The following ANKRD42 variants were observed in gnomAD, a reference collection of about 807,000 sequenced individuals.
ANKRD42 encodes the protein ankyrin repeat domain-containing protein 42.
In ANKRD42, 43 loss-of-function variants were observed where a neutral mutation model predicts 51.5. The ratio of observed to expected loss-of-function variants is 0.83; its 90% CI spans 0.65 to 1.08. The LOEUF is 1.08. Among genes scored for constraint, ANKRD42 ranks in the 50% least tolerant of loss-of-function variants. The pLI is 0.00. For synonymous variants in ANKRD42, 203 were observed against 213.0 expected, an observed-to-expected ratio of 0.95 and a Z score of 0.41; for missense variants, 608 against 629.3, an observed-to-expected ratio of 0.97 and a Z score of 0.36.
intron 5 of ANKRD42, chr11:83,213,555 T>G (rs1862411120): frequency 6.6e-6 from 8 of 1,217,026 alleles, no homozygotes; most frequent in Middle Eastern, 3.4e-4. Flanking sequence ...TATTATTAGT[T>G]TTTTTTTTTA....
rs778422106 is a variant in ANKRD42, at chr11:83,194,658, G to A, written c.-13G>A. The A allele has an allele frequency of 6.8e-6, 11 of 1,613,744 alleles. No individual in the cohort carries two copies. Among genetic ancestry groups the A allele is most frequent in the Non-Finnish European group, 5.9e-6 (7 of 1,179,996 alleles). ...TGGACTCAACTCCTCCCCAGAGTCG[G>A]AGGTGTTGCGCCATGCCCGGGGTGG... On this transcript the variant is annotated 5_prime_UTR_variant, in exon 1 of 11. Transcript: ENST00000533342.
At chr11:83,257,356 C>A (rs1042079503), downstream of ANKRD42, 1 of 454,488 alleles carries the variant, frequency 2.2e-6, no homozygotes, top group South Asian at 1.6e-5. Context: ...AGTCATAATT[C>A]TTTGCTAGCT....
At chr11:83,250,177 T>C (rs964476272), downstream of ANKRD42, among the ~76,000 whole-genome samples, 1 of 152,202 alleles carries the variant, frequency 6.6e-6, no homozygotes, top group Non-Finnish European at 1.5e-5. Flanking sequence ...TAAGTCTTTC[T>C]CCTGCCACCT....
chr11:83,226,267 C>T (rs1432320477), intron 6 of ANKRD42, among the ~76,000 whole-genome samples: 2 of 152,014 alleles, frequency 1.3e-5, no homozygotes, highest in East Asian at 3.8e-4. Context: ...AAGTACCTAA[C>T]CTGATCCCTA....
intron 5 of ANKRD42, chr11:83,213,719 G>A (rs992384085): frequency 2.1e-5 from 5 of 239,366 alleles, no homozygotes; most frequent in Non-Finnish European, 3.7e-5. Flanking sequence ...CCTATTGGCT[G>A]TTAGAGTGTG....
Position 83,248,115 on chromosome 11 carries a change from T to C in ANKRD42, c.1495T>C (p.Phe499Leu), listed in dbSNP as rs1486520009. The C allele has an allele frequency of 2.6e-6, 4 of 1,548,946 alleles. No homozygotes were observed. In the African/African-American group the frequency reaches 5.5e-5, roughly 21 times the overall value. The change falls in exon 11 of 11, where the codon TTT (phenylalanine) becomes CTT (leucine). Residue 499 changes from phenylalanine (F) to leucine (L), a missense_variant. By Grantham distance (22) the Phe-to-Leu change is conservative. Transcript: ENST00000533342. ...MVGVLFNTFIFLKKYIQEWPR... is the reference protein window; with the variant it reads ...MVGVLFNTFILLKKYIQEWPR... Reference sequence around the variant, plus strand: ...TGGTGTCCTTTTTAATACATTTATTTTTCTCAAGAAGTATATACAAGAGTG... The same window carrying C: ...TGGTGTCCTTTTTAATACATTTATTCTTCTCAAGAAGTATATACAAGAGTG...
rs1416581912 is a variant in ANKRD42, at chr11:83,240,866, G to T, written c.1127G>T (p.Gly376Val). 7 of 1,614,128 alleles carry T rather than the reference G, an allele frequency of 4.3e-6. No individual in the cohort carries two copies. The highest frequency in any genetic ancestry group is 5.9e-6 in the Non-Finnish European group (7 of 1,180,002). ...GATGTGAAATATTTTATAAGACATG[G>T]TGTTGAGGGAAGCACTGATGCCAAG... ...ENDVKYFIRHGVEGSTDAKDD... is the reference protein window; with the variant it reads ...ENDVKYFIRHVVEGSTDAKDD... Residue 376 changes from glycine (G) to valine (V), a missense_variant, in exon 9 of 11, where the codon GGT (glycine) becomes GTT (valine). By Grantham distance (109) the Gly-to-Val change is moderately radical. Coordinates refer to ENST00000533342, the MANE Select transcript of ANKRD42 (RefSeq NM_001300975.2).
chr11:83,225,327 G>T (rs908164031), intron 6 of ANKRD42, among the ~76,000 whole-genome samples: 5 of 152,140 alleles, frequency 3.3e-5, no homozygotes, highest in Non-Finnish European at 7.4e-5. Flanking sequence ...AGAACTTCGG[G>T]AGTCTGAGGT....
intron 2 of ANKRD42, among the ~76,000 whole-genome samples, chr11:83,200,451 A>G (rs562586155): frequency 2.0e-5 from 3 of 151,992 alleles, no homozygotes; most frequent in South Asian, 2.1e-4. Context: ...TCTAACACTA[A>G]AACTGTTATA....
At chr11:83,230,773 A>T (rs899187491) in intron 7 of ANKRD42, among the ~76,000 whole-genome samples, 4 of 152,088 alleles carry the variant, frequency 2.6e-5, no homozygotes, top group Admixed American at 6.5e-5. Context: ...TTTTTAGTAG[A>T]GACGGGGTTT....
At chr11:83,257,257 G>T (rs149073864), downstream of ANKRD42, 5 of 454,726 alleles carry the variant, frequency 1.1e-5, 1 homozygote, top group Admixed American at 1.2e-4. Context: ...GGAAGTCTGG[G>T]GTATGGTGAG....
Position 83,240,862 on chromosome 11 carries a change from C to T in ANKRD42, c.1123C>T (p.His375Tyr), listed in dbSNP as rs780267007. Reference protein sequence around the residue: ...DENDVKYFIRHGVEGSTDAKD... With the variant: ...DENDVKYFIRYGVEGSTDAKD... ...AAATGATGTGAAATATTTTATAAGA[C>T]ATGGTGTTGAGGGAAGCACTGATGC... Residue 375 changes from histidine to tyrosine, a missense_variant, in exon 9 of 11, where the codon CAT (histidine) becomes TAT (tyrosine). His to Tyr is a moderately conservative substitution (Grantham distance 83). Coordinates refer to ENST00000533342, the MANE Select transcript of ANKRD42 (RefSeq NM_001300975.2). 8.7e-6 allele frequency: 14 copies of T among 1,613,954 alleles called. No homozygotes were observed. The Admixed American group carries it at 1.5e-4, about 17-fold the overall frequency.
chr11:83,208,988 T>C (rs1862196523), intron 3 of ANKRD42, among the ~76,000 whole-genome samples: 1 of 152,212 alleles, frequency 6.6e-6, no homozygotes, highest in Non-Finnish European at 1.5e-5. Flanking sequence ...GGATATGGTA[T>C]AACCCATATA....
chr11:83,242,036 C>T (rs1863401876), intron 9 of ANKRD42, among the ~76,000 whole-genome samples: 1 of 152,142 alleles, frequency 6.6e-6, no homozygotes, highest in Non-Finnish European at 1.5e-5. Flanking sequence ...CCTAGAGTTC[C>T]TGATGTAGGC....
downstream of ANKRD42, among the ~76,000 whole-genome samples, chr11:83,263,101 A>C (rs557848230): frequency 5.1e-4 from 78 of 152,252 alleles, no homozygotes; most frequent in African/African-American, 1.8e-3. Context: ...TTTTCTCTTA[A>C]TAAAAAAACA....
At position 83,210,546 on chromosome 11, in the gene ANKRD42, T is replaced by C. The variant is rs1436891021; in HGVS notation, c.450+127T>C. 2.6e-6 allele frequency: 3 copies of C among 1,172,554 alleles called. No homozygotes were observed. In the African/African-American group the frequency reaches 4.6e-5, roughly 18 times the overall value. The allele number at this position is 1,172,554 out of a possible 1,614,324, so 72.6% of individuals were successfully genotyped here. A position where few individuals can be genotyped will look rare whatever the true frequency, so the allele number is the denominator to read the frequency against. Reference sequence around the variant, plus strand: ...GACTTTGGGAAACTAATTTAATTTTTCTCTCTAGCTTTTCTATCTTTAAAC... The same window carrying C: ...GACTTTGGGAAACTAATTTAATTTTCCTCTCTAGCTTTTCTATCTTTAAAC... On this transcript the variant is annotated intron_variant, in intron 4 of 10. Transcript: ENST00000533342.
intron 8 of ANKRD42, among the ~76,000 whole-genome samples, chr11:83,239,830 C>T (rs1863335730): frequency 6.6e-6 from 1 of 152,112 alleles, no homozygotes; most frequent in Non-Finnish European, 1.5e-5. Context: ...TTCTCATGCA[C>T]CAAAATGCTT....
At chr11:83,229,983 T>C (rs1040038357) in intron 7 of ANKRD42, among the ~76,000 whole-genome samples, 22 of 152,214 alleles carry the variant, frequency 1.4e-4, no homozygotes, top group African/African-American at 5.1e-4. Context: ...ATTTATCCTT[T>C]GTGTTATAAA....
rs73512694 is a variant in ANKRD42, at chr11:83,215,788, T to A, written c.586+4358T>A. Among the ~76,000 whole-genome samples, 173 of 152,134 alleles carry A rather than the reference T, an allele frequency of 1.1e-3. 1 individual carries two copies. The highest frequency in any genetic ancestry group is 4.0e-3 in the African/African-American group (167 of 41,450). ...CTTTTTGTTGCTTCTATTTACATAT[T>A]TTTGGGGTTGTTTGTTTGTTTTTTT... On this transcript the variant is annotated intron_variant, in intron 5 of 10. Coordinates refer to ENST00000533342, the MANE Select transcript of ANKRD42 (RefSeq NM_001300975.2).
Sources: allele counts gnomAD v4.1 joint callset (sites outside exome capture counted in the v4.1 genomes callset), GRCh38; gene constraint gnomAD v4.1.1; transcripts MANE v1.5; gene names NCBI Gene and HGNC (gene_info 2026-07-23, HGNC 2026-07-21).